Variants in STIM1 observed in about 807,000 individuals in gnomAD.
The protein encoded by STIM1 is stromal interaction molecule 1.
Under a neutral mutation model 74.7 loss-of-function variants are expected in STIM1, and 25 were observed. The ratio of observed to expected loss-of-function variants is 0.33; its 90% confidence interval spans 0.24 to 0.47. STIM1 has a LOEUF of 0.47. Ranked by LOEUF, STIM1 falls within the 20% of genes least tolerant of loss-of-function variation. The pLI, the probability that STIM1 is intolerant of heterozygous loss-of-function variation, is 1.00. For synonymous variants in STIM1, 328 were observed against 348.8 expected, an observed-to-expected ratio of 0.94 and a Z score of 0.66; for missense variants, 728 against 920.8, an observed-to-expected ratio of 0.79 and a Z score of 2.71.
At chr11:3,861,778 C>T (rs915155285) in intron 1 of STIM1, among the ~76,000 whole-genome samples, 2 of 152,168 alleles carry the variant, frequency 1.3e-5, no homozygotes, top group Admixed American at 6.5e-5. Flanking sequence ...CTCCTGAATT[C>T]TATCTATGGG....
At chr11:3,938,230 G>A (rs559717627) in intron 1 of STIM1, among the ~76,000 whole-genome samples, 16 of 152,202 alleles carry the variant, frequency 1.1e-4, no homozygotes, top group Middle Eastern at 6.8e-3. Flanking sequence ...GAGCCACCGC[G>A]CCCGGCCTGT....
chr11:4,045,792 G>A (rs1296844090), intron 3 of STIM1, among the ~76,000 whole-genome samples: 6 of 113,644 alleles, frequency 5.3e-5, no homozygotes, highest in Non-Finnish European at 1.1e-4. Context: ...TTGAGACGAA[G>A]TTTTGCTCTG....
At position 4,086,483 on chromosome 11, in the gene STIM1, G is replaced by C; in HGVS notation, c.1574G>C (p.Ser525Thr). ...TTCTTTATTCTCCTTGCAGCCCCTA[G>C]CCTGCAGAGCAGTGTTCGGCAGCGC... The part of the protein sequence containing the change: ...DQSLWKYPAP[S>T]LQSSVRQRLT... The change falls in exon 12 of 13, where the codon AGC (serine) becomes ACC (threonine). Residue 525 changes from serine (S) to threonine (T), a missense_variant. Physicochemically the swap from Ser to Thr is moderately conservative, Grantham distance 58. This residue lies in a region of STIM1 where 352 missense variants were observed against 370.1 expected (regional missense o/e 0.95). Coordinates refer to ENST00000526596, the MANE Select transcript of STIM1 (RefSeq NM_001382567.1). 1 of 1,614,028 alleles carries C rather than the reference G, an allele frequency of 6.2e-7. No individual in the cohort carries two copies. The highest frequency in any genetic ancestry group is 8.5e-7 in the Non-Finnish European group (1 of 1,179,998).
At chr11:3,878,869 T>G (rs750917390) in intron 1 of STIM1, among the ~76,000 whole-genome samples, 1 of 152,174 alleles carries the variant, frequency 6.6e-6, no homozygotes, top group Non-Finnish European at 1.5e-5. Flanking sequence ...CCCCCGACAG[T>G]TTGGCCTTAT....
At chr11:3,921,119 A>G (rs1454893952) in intron 1 of STIM1, among the ~76,000 whole-genome samples, 4 of 152,104 alleles carry the variant, frequency 2.6e-5, no homozygotes, top group Non-Finnish European at 5.9e-5. Context: ...CTTAAGATGC[A>G]AGGTGGTGGT....
rs1201874534 is a variant in STIM1, at chr11:4,039,132, G to GA, written c.385+15146dup. On this transcript the variant is annotated intron_variant, in intron 3 of 12. Transcript: ENST00000526596. ...AGATATCCAAAGCTTAGTAATTTTT[G>GA]ATGAAAAAAAATTATAGAAAATGTT... Among the ~76,000 whole-genome samples the GA allele has an allele frequency of 2.0e-5, 3 of 151,896 alleles. No individual in the cohort carries two copies. In the East Asian group the frequency reaches 5.8e-4, roughly 29 times the overall value.
chr11:4,057,787 G>A (rs541654252), intron 4 of STIM1, among the ~76,000 whole-genome samples: 23 of 151,604 alleles, frequency 1.5e-4, no homozygotes, highest in South Asian at 4.2e-4. Context: ...GGAGAATGGC[G>A]TGAACCCGGG....
chr11:3,867,035 G>A (rs2090886859), intron 1 of STIM1: 1 of 152,190 alleles, frequency 6.6e-6, no homozygotes, highest in South Asian at 2.1e-4. Flanking sequence ...GAATAACAAT[G>A]AATTGATCTT....
At chr11:4,074,094 T>C (rs2094422725) in intron 6 of STIM1, among the ~76,000 whole-genome samples, 1 of 152,260 alleles carries the variant, frequency 6.6e-6, no homozygotes, top group Admixed American at 6.5e-5. Flanking sequence ...ATTGGAATTC[T>C]AGCCTCAGTT....
chr11:4,017,448 T>C (rs1055032215), intron 2 of STIM1, among the ~76,000 whole-genome samples: 5 of 152,202 alleles, frequency 3.3e-5, no homozygotes, highest in African/African-American at 1.2e-4. Flanking sequence ...CCTTATACTT[T>C]CTTTCTGAGT....
At chr11:4,042,348 A>AT (rs1002944879) in intron 3 of STIM1, among the ~76,000 whole-genome samples, 2 of 152,130 alleles carry the variant, frequency 1.3e-5, no homozygotes, top group African/African-American at 2.4e-5. Flanking sequence ...ATATAGGACT[A>AT]TTTTTTATCC....
upstream of STIM1, chr11:3,855,543 G>C (rs539158513): frequency 6.6e-6 from 1 of 151,102 alleles, no homozygotes; most frequent in Non-Finnish European, 1.5e-5. Flanking sequence ...CGGTTATTCC[G>C]GGATCCAGCT....
intron 2 of STIM1, among the ~76,000 whole-genome samples, chr11:4,012,529 T>C (rs996782151): frequency 5.9e-5 from 9 of 152,360 alleles, no homozygotes; most frequent in African/African-American, 2.2e-4. Flanking sequence ...TCTGTTTGTC[T>C]GTTCTTGGTG....
At chr11:4,055,377 C>T in intron 3 of STIM1, 149 bp from the exon 4 acceptor site, 1 of 681,026 alleles carries the variant, frequency 1.5e-6, no homozygotes, top group Non-Finnish European at 2.6e-6. Context: ...TAAATAGACT[C>T]ACAGTGTATA....
At chr11:3,904,676 C>A (rs1369108454) in intron 1 of STIM1, among the ~76,000 whole-genome samples, 1 of 151,980 alleles carries the variant, frequency 6.6e-6, no homozygotes, top group Non-Finnish European at 1.5e-5. Context: ...GGGTAGTGGT[C>A]ATGGGGGTTG....
intron 2 of STIM1, among the ~76,000 whole-genome samples, chr11:3,995,896 G>A (rs2093659269): frequency 6.6e-6 from 1 of 151,262 alleles, no homozygotes; most frequent in African/African-American, 2.4e-5. Context: ...TTGTGAAGAT[G>A]GGGTCTCCCT....
At chr11:3,956,720 GGC>G (rs2093217809) in intron 1 of STIM1, among the ~76,000 whole-genome samples, 1 of 150,368 alleles carries the variant, frequency 6.7e-6, no homozygotes. Flanking sequence ...CACTATGAGA[GGC>G]TAAGGCAGGA....
intron 1 of STIM1, among the ~76,000 whole-genome samples, chr11:3,941,582 T>G (rs1031549330): frequency 1.7e-5 from 2 of 118,600 alleles, no homozygotes; most frequent in African/African-American, 7.0e-5. Context: ...AAGAAGCATA[T>G]ATATGTGTGT....
chr11:3,949,385 G>T (rs2093118356), intron 1 of STIM1, among the ~76,000 whole-genome samples: 1 of 151,994 alleles, frequency 6.6e-6, no homozygotes, highest in South Asian at 2.1e-4. Context: ...CTGGTGAGTG[G>T]CAGGAGATAA....
Sources: gnomAD v4.1 joint callset for allele counts (sites outside exome capture counted in the v4.1 genomes callset) on GRCh38, gnomAD v4.1.1 for gene constraint, gnomAD v4.1.1 regional missense constraint, MANE v1.5 for transcripts, NCBI Gene and HGNC (gene_info 2026-07-23, HGNC 2026-07-21) for gene names.